Variants in FBXW7 observed in about 807,000 individuals in gnomAD.
FBXW7 encodes the protein F-box/WD repeat-containing protein 7.
FBXW7 carries 11 observed loss-of-function variants against 86.3 expected under a neutral mutation model. The ratio of observed to expected loss-of-function variants is 0.13; its 90% confidence interval spans 0.08 to 0.21. The LOEUF (loss-of-function observed/expected upper bound fraction) is 0.21, where lower values mean the gene tolerates loss of function less well. FBXW7 is among the 10% of genes least tolerant of loss of function. FBXW7 has a pLI of 1.00. For missense variants in FBXW7, 488 were observed against 847.4 expected (o/e 0.58, Z 5.27); for synonymous variants, 313 against 297.9 (o/e 1.05, Z -0.52).
chr4:152,331,126 A>C (rs1270665287), intron 8 of FBXW7, among the ~76,000 whole-genome samples: 1 of 152,068 alleles, frequency 6.6e-6, no homozygotes, highest in Non-Finnish European at 1.5e-5. Flanking sequence ...GATGTGAGGA[A>C]ATTGGAATGC....
At chr4:152,497,321 C>CAAA (rs55764450) in intron 2 of FBXW7, among the ~76,000 whole-genome samples, 12 of 51,654 alleles carry the variant, frequency 2.3e-4, no homozygotes, top group African/African-American at 3.3e-4. Context: ...GACTCCATCT[C>CAAA]AAAAAAAAAA....
At position 152,388,986 on chromosome 4, in the gene FBXW7, C is replaced by A. The variant is rs185638479; in HGVS notation, c.501+22317G>T. Among the ~76,000 whole-genome samples, 15 of 152,132 alleles carry A rather than the reference C, an allele frequency of 9.9e-5. No individual in the cohort carries two copies. The East Asian group carries it at 2.7e-3, about 27-fold the overall frequency. ...AGTGGGAAAAGAACATGAATAAATA[C>A]TTCTCAAAAGAAGACATACATATTT... On this transcript the variant is annotated intron_variant, in intron 4 of 13. Transcript: ENST00000281708.
chr4:152,426,688 G>A (rs1042213879), intron 2 of FBXW7, among the ~76,000 whole-genome samples: 2 of 152,184 alleles, frequency 1.3e-5, no homozygotes, highest in South Asian at 4.1e-4. Flanking sequence ...AAACGGGTAG[G>A]TCGTTTGCCC....
intron 4 of FBXW7, chr4:152,352,722 G>T (rs2126664512): frequency 6.2e-7 from 1 of 1,613,672 alleles, no homozygotes; most frequent in Non-Finnish European, 8.5e-7. Flanking sequence ...CGCTTCTCGG[G>T]ACACACATAC....
chr4:152,426,029 C>T (rs1739355021), intron 2 of FBXW7, among the ~76,000 whole-genome samples: 1 of 152,184 alleles, frequency 6.6e-6, no homozygotes, highest in Admixed American at 6.5e-5. Flanking sequence ...GGCCCTCATA[C>T]AGGGCTCTGT....
intron 2 of FBXW7, among the ~76,000 whole-genome samples, chr4:152,467,696 C>T (rs976773133): frequency 6.6e-6 from 1 of 152,170 alleles, no homozygotes; most frequent in African/African-American, 2.4e-5. Flanking sequence ...AATGCCAATG[C>T]TTTTTCGTAG....
In FBXW7 at chr4:152,322,839, T is replaced by A. The variant is rs2126456233; in HGVS notation, c.*42A>T. ...TTTTTGCAGGGGGAAGGGCAGGGAG[T>A]ATATCGTCTACACAATTGGACAAAT... On this transcript the variant is annotated 3_prime_UTR_variant, in exon 14 of 14. Coordinates refer to ENST00000281708, the MANE Select transcript of FBXW7 (RefSeq NM_001349798.2). The A allele has an allele frequency of 1.2e-6, 2 of 1,607,992 alleles. No homozygotes were observed. Among genetic ancestry groups the A allele is most frequent in the Non-Finnish European group, 1.7e-6 (2 of 1,175,290 alleles).
intron 2 of FBXW7, among the ~76,000 whole-genome samples, chr4:152,454,970 T>C (rs1327911592): frequency 6.6e-6 from 1 of 152,070 alleles, no homozygotes; most frequent in Non-Finnish European, 1.5e-5. Flanking sequence ...AGTTATAAAT[T>C]AAAATGTGTT....
intron 4 of FBXW7, among the ~76,000 whole-genome samples, chr4:152,367,758 T>C (rs1733629063): frequency 6.6e-6 from 1 of 152,124 alleles, no homozygotes; most frequent in Non-Finnish European, 1.5e-5. Flanking sequence ...ATACAGAAAC[T>C]GAAGAATGTT....
rs1178936990 is a variant in FBXW7, at chr4:152,324,336, A to G, written c.1703T>C (p.Val568Ala). Residue 568 changes from valine (V) to alanine (A), a missense_variant, in exon 13 of 14, where the codon GTG becomes GCG. Val to Ala is a moderately conservative substitution (Grantham distance 64). This residue lies in a region of FBXW7 where 142 missense variants were observed against 406.6 expected (regional missense o/e 0.35). Coordinates refer to ENST00000281708, the MANE Select transcript of FBXW7 (RefSeq NM_001349798.2). ...CGTGTGAATGCAATTCCCTGTCTCCACATCCCAAACACGGATTGATGTATC... is the reference window on the plus strand; with the variant it reads ...CGTGTGAATGCAATTCCCTGTCTCCGCATCCCAAACACGGATTGATGTATC... ...SLDTSIRVWD[V>A]ETGNCIHTLT... is the part of the protein sequence containing the mutation. 4 of 1,611,910 alleles carry G rather than the reference A, an allele frequency of 2.5e-6. No homozygotes were observed. The highest frequency in any genetic ancestry group is 3.4e-6 in the Non-Finnish European group (4 of 1,178,988).
intron 4 of FBXW7, among the ~76,000 whole-genome samples, chr4:152,409,011 G>C (rs1176380334): frequency 1.3e-5 from 2 of 152,148 alleles, no homozygotes; most frequent in Non-Finnish European, 2.9e-5. Context: ...TAGTGACAAG[G>C]GGGGAAAAAC....
At chr4:152,335,632 G>C (rs1399583375) in intron 7 of FBXW7, among the ~76,000 whole-genome samples, 1 of 152,204 alleles carries the variant, frequency 6.6e-6, no homozygotes, top group Non-Finnish European at 1.5e-5. Context: ...ACGTATTTCA[G>C]ATAATTACCT....
chr4:152,358,744 A>T (rs994364001), intron 4 of FBXW7, among the ~76,000 whole-genome samples: 1 of 152,210 alleles, frequency 6.6e-6, no homozygotes, highest in African/African-American at 2.4e-5. Flanking sequence ...GTAATGATAT[A>T]CACCTACCTT....
chr4:152,483,487 G>C (rs1745073513), intron 2 of FBXW7, among the ~76,000 whole-genome samples: 1 of 151,774 alleles, frequency 6.6e-6, no homozygotes, highest in African/African-American at 2.4e-5. Flanking sequence ...AGGATCACTT[G>C]AGCCCAGGAG....
intron 4 of FBXW7, among the ~76,000 whole-genome samples, chr4:152,371,209 T>C (rs1324576017): frequency 6.6e-6 from 1 of 151,924 alleles, no homozygotes; most frequent in Non-Finnish European, 1.5e-5. Flanking sequence ...ATATCTACCA[T>C]AAATTTTATC....
chr4:152,504,958 C>A (rs900777844), intron 2 of FBXW7, among the ~76,000 whole-genome samples: 1 of 152,094 alleles, frequency 6.6e-6, no homozygotes, highest in African/African-American at 2.4e-5. Flanking sequence ...TATACAGTCA[C>A]GCATCGCCTC....
chr4:152,324,766 G>C, intron 12 of FBXW7: 1 of 196,436 alleles, frequency 5.1e-6, no homozygotes, highest in South Asian at 9.6e-5. Context: ...CTTCCCACTA[G>C]GAAGCTGAGA....
chr4:152,440,076 A>T (rs1740750076), intron 2 of FBXW7, among the ~76,000 whole-genome samples: 2 of 152,332 alleles, frequency 1.3e-5, no homozygotes, highest in African/African-American at 4.8e-5. Flanking sequence ...CTGGAGTGAG[A>T]TATTCAAAAT....
At chr4:152,398,089 AC>A (rs1736580205) in intron 4 of FBXW7, among the ~76,000 whole-genome samples, 1 of 151,812 alleles carries the variant, frequency 6.6e-6, no homozygotes, top group Non-Finnish European at 1.5e-5. Flanking sequence ...AAAAACAAAA[AC>A]CCTAGGTATC....
Sources: gnomAD v4.1 joint callset for allele counts (sites outside exome capture counted in the v4.1 genomes callset) on GRCh38, gnomAD v4.1.1 for gene constraint, gnomAD v4.1.1 regional missense constraint, MANE v1.5 for transcripts, NCBI Gene and HGNC (gene_info 2026-07-23, HGNC 2026-07-21) for gene names.